Variants in CCDC171 observed in about 807,000 individuals in gnomAD.
CCDC171 encodes coiled-coil domain containing 171, also known as coiled-coil domain-containing protein 171.
A neutral mutation model predicts 168.2 loss-of-function variants in CCDC171; 177 were observed. That is an observed-to-expected ratio of 1.05 (90% CI 0.93 to 1.19). The LOEUF is 1.19. Ranked by LOEUF, CCDC171 falls within the 50% of genes most tolerant of loss-of-function variation. CCDC171 has a pLI of 0.00. For synonymous variants in CCDC171, 687 were observed against 540.8 expected (o/e 1.27, Z -3.75); for missense variants, 1,991 against 1,539.0 (o/e 1.29, Z -4.91).
In CCDC171 at chr9:15,744,296, A is replaced by C. The variant is rs2055100591; in HGVS notation, c.2073A>C (p.Lys691Asn). The C allele has an allele frequency of 6.3e-7, 1 of 1,582,776 alleles. No homozygotes were observed. The change falls in exon 17 of 26, where the codon AAA becomes AAC. Residue 691 changes from lysine (K) to asparagine (N), a missense_variant. Physicochemically the swap from Lys to Asn is moderately conservative, Grantham distance 94. Transcript: ENST00000380701. The part of the protein sequence containing the change: ...RAQKFQEIAE[K>N]NMEKLNHIEK... ...AGAAATTTCAAGAAATTGCTGAAAA[A>C]AACATGGAAAAATTGAACCATATTG...
intron 24 of CCDC171, among the ~76,000 whole-genome samples, chr9:15,907,397 A>G (rs1326758452): frequency 6.6e-6 from 1 of 152,244 alleles, no homozygotes; most frequent in Non-Finnish European, 1.5e-5. Flanking sequence ...GACAAAAACA[A>G]GAAATGGGGA....
chr9:16,068,985 A>G, the CCDC171 span, among the ~76,000 whole-genome samples: 13 of 152,272 alleles, frequency 8.5e-5, no homozygotes, highest in Non-Finnish European at 1.9e-4. Context: ...TGATTCCTGG[A>G]GGGGGTAGTT....
At chr9:15,800,414 T>TA (rs539474408) in intron 21 of CCDC171, among the ~76,000 whole-genome samples, 11 of 152,272 alleles carry the variant, frequency 7.2e-5, no homozygotes, top group African/African-American at 2.2e-4. Flanking sequence ...TGTCTTCTTT[T>TA]AAAAAATGTC....
At chr9:15,591,625 AAG>A in intron 5 of CCDC171, 69 bp downstream of exon 5, 1 of 885,014 alleles carries the variant, frequency 1.1e-6, no homozygotes, top group Non-Finnish European at 1.7e-6. Flanking sequence ...ACATTACTTG[AAG>A]TTATCCTGGA....
intron 18 of CCDC171, among the ~76,000 whole-genome samples, chr9:15,754,052 C>A (rs1249802137): frequency 6.6e-6 from 1 of 151,986 alleles, no homozygotes; most frequent in Non-Finnish European, 1.5e-5. Flanking sequence ...GTAGAAATTT[C>A]AGGTATTTTG....
intron 7 of CCDC171, among the ~76,000 whole-genome samples, chr9:15,627,335 T>C (rs2045234613): frequency 6.6e-6 from 1 of 152,210 alleles, no homozygotes; most frequent in Admixed American, 6.5e-5. Flanking sequence ...TGCTCTGTTC[T>C]TAATTTTTTC....
At chr9:15,677,112 TA>T (rs1201400453) in intron 9 of CCDC171, among the ~76,000 whole-genome samples, 1 of 152,164 alleles carries the variant, frequency 6.6e-6, no homozygotes, top group Non-Finnish European at 1.5e-5. Flanking sequence ...CTGGAGTAAT[TA>T]ATTTTTGGGA....
At chr9:16,095,542 TTC>T in the CCDC171 span, among the ~76,000 whole-genome samples, 12 of 150,332 alleles carry the variant, frequency 8.0e-5, no homozygotes, top group African/African-American at 2.0e-4. Flanking sequence ...CGCTCTCTCT[TTC>T]TCTCTCTCTC....
At chr9:15,737,242 CAA>C (rs2054556696) in intron 16 of CCDC171, among the ~76,000 whole-genome samples, 1 of 151,784 alleles carries the variant, frequency 6.6e-6, no homozygotes. Flanking sequence ...GTGGTAGTAA[CAA>C]AGAGGTATAC....
intron 24 of CCDC171, among the ~76,000 whole-genome samples, chr9:15,893,369 C>T (rs1166012102): frequency 6.6e-6 from 1 of 152,108 alleles, no homozygotes. Context: ...AGGACGTAGG[C>T]ATGGGTACAG....
At chr9:15,690,975 C>G (rs1392725918) in intron 10 of CCDC171, among the ~76,000 whole-genome samples, 1 of 152,128 alleles carries the variant, frequency 6.6e-6, no homozygotes, top group Non-Finnish European at 1.5e-5. Flanking sequence ...CAAATGGATG[C>G]TCATACCGTT....
chr9:15,640,060 T>C (rs2046482505), intron 7 of CCDC171, among the ~76,000 whole-genome samples: 1 of 152,200 alleles, frequency 6.6e-6, no homozygotes, highest in Non-Finnish European at 1.5e-5. Flanking sequence ...ATTCTGCTTT[T>C]TAGTTGACCT....
At chr9:15,756,880 C>G (rs2056152923) in intron 18 of CCDC171, among the ~76,000 whole-genome samples, 1 of 152,208 alleles carries the variant, frequency 6.6e-6, no homozygotes, top group African/African-American at 2.4e-5. Context: ...CATTCTCCTT[C>G]TCTTTCTTTC....
intron 23 of CCDC171, among the ~76,000 whole-genome samples, chr9:15,864,794 C>A (rs2061707059): frequency 6.6e-6 from 1 of 151,998 alleles, no homozygotes; most frequent in African/African-American, 2.4e-5. Context: ...CAGTTTACTG[C>A]AGCTAAGAGT....
chr9:15,844,741 G>A (rs1183047191), intron 21 of CCDC171, among the ~76,000 whole-genome samples: 3 of 152,128 alleles, frequency 2.0e-5, no homozygotes, highest in South Asian at 2.1e-4. Flanking sequence ...GAATGGAAAC[G>A]AGAAGATTTA....
intron 6 of CCDC171, among the ~76,000 whole-genome samples, chr9:15,602,647 CTTTTTTT>C (rs1161286304): frequency 2.3e-3 from 70 of 30,436 alleles, no homozygotes; most frequent in South Asian, 3.0e-3. Context: ...TTTTTTTTTT[CTTTTTTT>C]TTTTTTTTTT....
At chr9:15,705,179 G>T (rs1304478347) in intron 11 of CCDC171, among the ~76,000 whole-genome samples, 1 of 151,394 alleles carries the variant, frequency 6.6e-6, no homozygotes, top group South Asian at 2.1e-4. Context: ...CTTGGTTGTG[G>T]TAATCATTTC....
At chr9:15,629,883 A>G (rs1374115320) in intron 7 of CCDC171, among the ~76,000 whole-genome samples, 1 of 152,216 alleles carries the variant, frequency 6.6e-6, no homozygotes, top group Non-Finnish European at 1.5e-5. Flanking sequence ...CAACATTCTT[A>G]AAGAAAAAAA....
chr9:15,674,139 A>C (rs1413917011), intron 9 of CCDC171, among the ~76,000 whole-genome samples: 1 of 151,848 alleles, frequency 6.6e-6, no homozygotes, highest in African/African-American at 2.4e-5. Flanking sequence ...ATTTGTATAG[A>C]GGTGTTTATA....
Sources: allele counts gnomAD v4.1 joint callset (sites outside exome capture counted in the v4.1 genomes callset), GRCh38; gene constraint gnomAD v4.1.1; transcripts MANE v1.5; gene names NCBI Gene and HGNC (gene_info 2026-07-23, HGNC 2026-07-21).